Variants in ZBTB38 observed in about 807,000 individuals in gnomAD.
The protein encoded by ZBTB38 is zinc finger and BTB domain containing 38, also known as zinc finger and BTB domain-containing protein 38.
ZBTB38 carries 20 observed loss-of-function variants against 76.8 expected under a neutral mutation model. The observed-to-expected ratio is 0.26, with a 90% CI of 0.18 to 0.38. ZBTB38 has a LOEUF of 0.38. ZBTB38 is among the 10% of genes least tolerant of loss of function. The pLI, the probability that ZBTB38 is intolerant of heterozygous loss-of-function variation, is 1.00. For missense variants in ZBTB38, 1,082 were observed against 1,482.3 expected, an observed-to-expected ratio of 0.73 and a Z score of 4.43; for synonymous variants, 504 against 544.2, an observed-to-expected ratio of 0.93 and a Z score of 1.03.
intron 1 of ZBTB38, among the ~76,000 whole-genome samples, chr3:141,355,423 G>A (rs62281997): frequency 6.6e-6 from 1 of 152,038 alleles, no homozygotes; most frequent in Non-Finnish European, 1.5e-5. Flanking sequence ...TTCATAGACC[G>A]TGGTGGTTGT....
At chr3:141,437,960 G>A (rs1267997168) in intron 5 of ZBTB38, among the ~76,000 whole-genome samples, 1 of 151,860 alleles carries the variant, frequency 6.6e-6, no homozygotes. Context: ...TGCCCAGGCT[G>A]GAGTGCAGTG....
chr3:141,412,929 C>T (rs182512778), intron 5 of ZBTB38, among the ~76,000 whole-genome samples: 5 of 152,264 alleles, frequency 3.3e-5, no homozygotes, highest in East Asian at 3.9e-4. Flanking sequence ...GTGGGCTTGC[C>T]GGACAGCTCT....
chr3:141,341,542 G>A (rs952124402), intron 1 of ZBTB38, among the ~76,000 whole-genome samples: 1 of 152,202 alleles, frequency 6.6e-6, no homozygotes, highest in Non-Finnish European at 1.5e-5. Context: ...GCAAGTTCAG[G>A]GTGAGAATGG....
At chr3:141,373,356 C>G (rs1327878474) in intron 2 of ZBTB38, among the ~76,000 whole-genome samples, 2 of 152,204 alleles carry the variant, frequency 1.3e-5, no homozygotes, top group African/African-American at 2.4e-5. Flanking sequence ...ATCTAAAGAT[C>G]TGAGCCTGGC....
chr3:141,407,054 G>A (rs968566721), intron 5 of ZBTB38, among the ~76,000 whole-genome samples: 4 of 152,148 alleles, frequency 2.6e-5, no homozygotes, highest in African/African-American at 9.7e-5. Context: ...GTTAAATGTG[G>A]TTTTGATAGT....
At chr3:141,332,669 C>T (rs1942887699) in intron 1 of ZBTB38, among the ~76,000 whole-genome samples, 2 of 152,236 alleles carry the variant, frequency 1.3e-5, no homozygotes, top group South Asian at 4.2e-4. Flanking sequence ...AATGCTTGTT[C>T]CTGGCGCCCT....
At chr3:141,387,454 T>C (rs1271717093) in intron 4 of ZBTB38, 1 of 152,130 alleles carries the variant, frequency 6.6e-6, no homozygotes, top group Admixed American at 6.5e-5. Context: ...GGAGGCAAGG[T>C]GGATTCTATT....
intron 1 of ZBTB38, among the ~76,000 whole-genome samples, chr3:141,358,943 T>A (rs762140523): frequency 5.9e-5 from 9 of 152,092 alleles, no homozygotes; most frequent in Non-Finnish European, 1.2e-4. Context: ...TTCAGGATGG[T>A]GGATTGGGGC....
At position 141,447,337 on chromosome 3, in the gene ZBTB38, C is replaced by G. The variant is rs1399689676; in HGVS notation, c.*1361C>G. On this transcript the variant is annotated 3_prime_UTR_variant, in exon 6 of 6. Coordinates refer to ENST00000321464, the MANE Select transcript of ZBTB38 (RefSeq NM_001376113.1). ...GAGACTCAGAAATATATCTACAAAG[C>G]CAGATGCTCTGTCTTCATATTTGCA... is the stretch of plus-strand genomic sequence containing the variant. 1 of 152,534 alleles carries G rather than the reference C, an allele frequency of 6.6e-6. No individual in the cohort carries two copies. The highest frequency in any genetic ancestry group is 1.5e-5 in the Non-Finnish European group (1 of 68,024). 9.4% of individuals were successfully genotyped at this position (152,534 alleles called of 1,614,324 possible). A position where few individuals can be genotyped will look rare whatever the true frequency, so the allele number is the denominator to read the frequency against.
chr3:141,384,803 C>A, intron 3 of ZBTB38: 1 of 152,322 alleles, frequency 6.6e-6, no homozygotes, highest in Non-Finnish European at 1.5e-5. Context: ...TTCGTTAGAG[C>A]CACATTTATT....
At chr3:141,345,162 A>G (rs894675127) in intron 1 of ZBTB38, among the ~76,000 whole-genome samples, 2 of 152,172 alleles carry the variant, frequency 1.3e-5, no homozygotes, top group Non-Finnish European at 2.9e-5. Flanking sequence ...TTGTGTTGGG[A>G]TAAGTTGGAA....
intron 1 of ZBTB38, among the ~76,000 whole-genome samples, chr3:141,360,608 T>G (rs1010377154): frequency 6.6e-6 from 1 of 152,150 alleles, no homozygotes; most frequent in Admixed American, 6.5e-5. Context: ...AAAAAGAGAG[T>G]GCTTAGTCTG....
intron 1 of ZBTB38, among the ~76,000 whole-genome samples, chr3:141,360,296 C>T (rs1482221932): frequency 6.6e-6 from 1 of 152,192 alleles, no homozygotes; most frequent in Non-Finnish European, 1.5e-5. Flanking sequence ...TCCTGTATGA[C>T]AAGCAAAGTC....
In ZBTB38 at chr3:141,442,934, G is replaced by A. The variant is rs756078429; in HGVS notation, c.546G>A (p.Pro182=). The A allele has an allele frequency of 1.4e-5, 23 of 1,614,054 alleles. No individual in the cohort carries two copies. The highest frequency in any genetic ancestry group is 1.7e-5 in the Non-Finnish European group (20 of 1,180,040). ...ETENSNNMFS[P]LDLRASFKKV... is the part of the protein sequence containing the mutation. ...AAAATAGTAATAACATGTTTTCCCC[G>A]CTGGACTTGAGGGCAAGTTTCAAAA... is the stretch of plus-strand genomic sequence containing the variant. Residue 182 remains proline, a synonymous_variant, in exon 6 of 6, where the codon CCG becomes CCA. Coordinates refer to ENST00000321464, the MANE Select transcript of ZBTB38 (RefSeq NM_001376113.1). This position sits in a 1 kb window ranked among gnomAD's most constrained non-coding sequence, Gnocchi z 6.4.
intron 1 of ZBTB38, among the ~76,000 whole-genome samples, chr3:141,345,708 G>A (rs56172250): frequency 0.037 from 5,695 of 152,166 alleles, 140 homozygotes; most frequent in Non-Finnish European, 0.048. Flanking sequence ...TGTGGTGCAT[G>A]GGTGTGTGTG....
intron 5 of ZBTB38, among the ~76,000 whole-genome samples, chr3:141,430,594 A>G (rs2077277792): frequency 6.6e-6 from 1 of 152,168 alleles, no homozygotes; most frequent in South Asian, 2.1e-4. Flanking sequence ...GGAAGTACCA[A>G]TGTAAGCTGT....
intron 5 of ZBTB38, among the ~76,000 whole-genome samples, chr3:141,430,175 C>T (rs1166893177): frequency 1.3e-5 from 2 of 152,146 alleles, no homozygotes; most frequent in African/African-American, 2.4e-5. Context: ...AAGTGATTCT[C>T]CTGCCTCAGC....
chr3:141,397,744 T>G (rs1276465500), intron 4 of ZBTB38, among the ~76,000 whole-genome samples: 1 of 152,138 alleles, frequency 6.6e-6, no homozygotes, highest in African/African-American at 2.4e-5. Context: ...AGTGGAACAG[T>G]CAGAACATAA....
At chr3:141,379,696 A>AT (rs1359355078) in intron 2 of ZBTB38, among the ~76,000 whole-genome samples, 6 of 152,184 alleles carry the variant, frequency 3.9e-5, no homozygotes, top group Non-Finnish European at 8.8e-5. Context: ...CCTGCAGCTT[A>AT]TTTTTAGCCG....
Sources: gnomAD v4.1 joint callset for allele counts (sites outside exome capture counted in the v4.1 genomes callset) on GRCh38, gnomAD v4.1.1 for gene constraint, Gnocchi (gnomAD v3.1) non-coding constraint, MANE v1.5 for transcripts, NCBI Gene and HGNC (gene_info 2026-07-23, HGNC 2026-07-21) for gene names.